The following KLK6 variants were observed in gnomAD, a reference collection of about 807,000 sequenced individuals.
The protein encoded by KLK6 is kallikrein related peptidase 6.
In KLK6, 16 loss-of-function variants were observed where a neutral mutation model predicts 21.7. That is an observed-to-expected ratio of 0.74 (90% CI 0.50 to 1.12). The LOEUF is 1.12. KLK6 is among the 50% of genes most tolerant of loss of function. The probability of loss-of-function intolerance (pLI) is 0.00; values close to 1 mark genes in which losing one functional copy is unlikely to be tolerated. For missense variants in KLK6, 276 were observed against 304.6 expected, an observed-to-expected ratio of 0.91 and a Z score of 0.70; for synonymous variants, 116 against 120.1, an observed-to-expected ratio of 0.97 and a Z score of 0.22.
In KLK6 at chr19:50,968,119, G is replaced by A; in HGVS notation, c.-8-7C>T. The A allele has an allele frequency of 1.2e-6, 2 of 1,613,834 alleles. No homozygotes were observed. Among genetic ancestry groups the A allele is most frequent in the Non-Finnish European group, 1.7e-6 (2 of 1,179,798 alleles). ...AGCTTCTTCATGGCCGCTCCTGAGA[G>A]GGGAAGCCACATGGTCCATTAGTCA... On this transcript the variant is annotated splice_region_variant and splice_polypyrimidine_tract_variant and intron_variant, in intron 2 of 6. Transcript: ENST00000310157.
intron 4 of KLK6, among the ~76,000 whole-genome samples, chr19:50,966,880 G>C (rs928074953): frequency 6.6e-6 from 1 of 152,104 alleles, no homozygotes; most frequent in Non-Finnish European, 1.5e-5. Flanking sequence ...TGCCCATCAC[G>C]CCCTGCAGGT....
At chr19:50,960,230 G>C (rs2090820301) in intron 6 of KLK6, among the ~76,000 whole-genome samples, 1 of 151,660 alleles carries the variant, frequency 6.6e-6, no homozygotes, top group South Asian at 2.1e-4. Flanking sequence ...TCTGTCCAGG[G>C]ACACCTCTCC....
chr19:50,961,997 G>T, intron 5 of KLK6, 117 bp from the exon 6 acceptor site: 1 of 1,084,712 alleles, frequency 9.2e-7, no homozygotes, highest in Non-Finnish European at 1.3e-6. Flanking sequence ...TTTTCTATTG[G>T]CACCCCTCTT....
At position 50,959,117 on chromosome 19, in the gene KLK6, C is replaced by T. The variant is rs372125040; in HGVS notation, c.*47G>A. ...GGTCTAGGTGAGAGACGTTCTGGAACCAGCCAGTGGGGTGGTAGGTCGGGA... is the reference window on the plus strand; with the variant it reads ...GGTCTAGGTGAGAGACGTTCTGGAATCAGCCAGTGGGGTGGTAGGTCGGGA... On this transcript the variant is annotated 3_prime_UTR_variant, in exon 7 of 7. Coordinates refer to ENST00000310157, the MANE Select transcript of KLK6 (RefSeq NM_002774.4). 336 of 1,610,818 alleles carry T rather than the reference C, an allele frequency of 2.1e-4. No homozygotes were observed. The highest frequency in any genetic ancestry group is 2.7e-4 in the Non-Finnish European group (321 of 1,177,746).
chr19:50,959,721 A>AGAGGAGGAGGAAGAG (rs1367398170), intron 6 of KLK6, among the ~76,000 whole-genome samples: 8 of 412 alleles, frequency 0.019, 1 homozygote, highest in Non-Finnish European at 0.026. Flanking sequence ...GAGAGGAGGA[A>AGAGGAGGAGGAAGAG]GAGGAGGAGG....
In KLK6 at chr19:50,965,347, C is replaced by T. The variant is rs144482338; in HGVS notation, c.198-1798G>A. 3.3e-5 allele frequency among the ~76,000 whole-genome samples: 5 copies of T among 151,366 alleles called. 1 individual carries two copies. Among genetic ancestry groups the T allele is most frequent in the East Asian group, 3.9e-4 (2 of 5,106 alleles). On this transcript the variant is annotated intron_variant, in intron 4 of 6. Transcript: ENST00000310157. ...TGGTTCAGGCTGGAGTGCAGTGGCG[C>T]GATCTCGGCTCACTGCAACCTCCGC...
At chr19:50,961,946 C>T in intron 5 of KLK6, 66 bp from the exon 6 acceptor site, 1 of 1,553,170 alleles carries the variant, frequency 6.4e-7, no homozygotes, top group Non-Finnish European at 8.7e-7. Flanking sequence ...CCCCAGTCAC[C>T]CCCCAACCCC....
At chr19:50,965,244 A>G (rs1043491990) in intron 4 of KLK6, among the ~76,000 whole-genome samples, 2 of 150,772 alleles carry the variant, frequency 1.3e-5, no homozygotes, top group African/African-American at 4.9e-5. Flanking sequence ...CTGGGATTAC[A>G]GGCATGAGCC....
rs745632507 is a variant in KLK6 at position 50,959,331 on chromosome 19, G to A, written c.583-15C>T. ...CCAGAATCACCCTGCAGGAAAGAGG[G>A]AGAAAGTCAGATACAGATAGAAACC... On this transcript the variant is annotated splice_polypyrimidine_tract_variant and intron_variant, in intron 6 of 6. Transcript: ENST00000310157. 4.3e-6 allele frequency: 7 copies of A among 1,612,098 alleles called. No homozygotes were observed. The African/African-American group carries it at 8.0e-5, about 19-fold the overall frequency.
Position 50,961,818 on chromosome 19 carries a change from G to A in KLK6, c.508C>T (p.His170Tyr), listed in dbSNP as rs1040509198. 6.2e-6 allele frequency: 10 copies of A among 1,613,930 alleles called. No individual in the cohort carries two copies. The Middle Eastern group carries it at 4.9e-4, about 80-fold the overall frequency. The change falls in exon 6 of 7, where the codon CAT (histidine) becomes TAT (tyrosine). Residue 170 changes from histidine (H) to tyrosine (Y), a missense_variant. By Grantham distance (83) the His-to-Tyr change is moderately conservative. Coordinates refer to ENST00000310157, the MANE Select transcript of KLK6 (RefSeq NM_002774.4). Reference protein sequence around the residue: ...IHLVSREECEHAYPGQITQNM... With the variant: ...IHLVSREECEYAYPGQITQNM... ...TGGGTGATCTGGCCAGGGTAGGCAT[G>A]CTCACACTCCTCACGGGACACCAGG...
At position 50,958,947 on chromosome 19, in the gene KLK6, C is replaced by G; in HGVS notation, c.*217G>C. Reference sequence around the variant, plus strand: ...TATTCTCTTAGTGGTGGGGGTAAGACCGAGGACCCAAGTCCTCACTCATCA... The same window carrying G: ...TATTCTCTTAGTGGTGGGGGTAAGAGCGAGGACCCAAGTCCTCACTCATCA... On this transcript the variant is annotated 3_prime_UTR_variant, in exon 7 of 7. Coordinates refer to ENST00000310157, the MANE Select transcript of KLK6 (RefSeq NM_002774.4). 1 of 588,974 alleles carries G rather than the reference C, an allele frequency of 1.7e-6. No homozygotes were observed. Among genetic ancestry groups the G allele is most frequent in the East Asian group, 2.9e-5 (1 of 35,084 alleles). The allele number at this position is 588,974 out of a possible 1,614,324, so 36.5% of individuals were successfully genotyped here.
chr19:50,966,538 T>G (rs143800770), intron 4 of KLK6, among the ~76,000 whole-genome samples: 2 of 152,204 alleles, frequency 1.3e-5, no homozygotes, highest in South Asian at 2.1e-4. Flanking sequence ...TGGTGGCTCA[T>G]GCCTGTAATC....
At position 50,958,887 on chromosome 19, in the gene KLK6, T is replaced by G. The variant is rs969831182; in HGVS notation, c.*277A>C. 2 of 417,812 alleles carry G rather than the reference T, an allele frequency of 4.8e-6. No homozygotes were observed. The highest frequency in any genetic ancestry group is 8.7e-6 in the Non-Finnish European group (2 of 230,252). The allele number at this position is 417,812 out of a possible 1,614,324, so 25.9% of individuals were successfully genotyped here. Reference sequence around the variant, plus strand: ...GGAAGAAATCAAACGTGTGGAAGGGTTGGGGAGAGGAGATGCCTAGAAGGG... The same window carrying G: ...GGAAGAAATCAAACGTGTGGAAGGGGTGGGGAGAGGAGATGCCTAGAAGGG... On this transcript the variant is annotated 3_prime_UTR_variant, in exon 7 of 7. Transcript: ENST00000310157.
chr19:50,965,379 C>T (rs938915892), intron 4 of KLK6, among the ~76,000 whole-genome samples: 1 of 151,918 alleles, frequency 6.6e-6, no homozygotes, highest in Non-Finnish European at 1.5e-5. Flanking sequence ...CCGCCTCCCA[C>T]GTTCAAGCAA....
At position 50,959,262 on chromosome 19, in the gene KLK6, A is replaced by C; in HGVS notation, c.637T>G (p.Trp213Gly). 11 of 1,613,996 alleles carry C rather than the reference A, an allele frequency of 6.8e-6. No individual in the cohort carries two copies. Among genetic ancestry groups the C allele is most frequent in the East Asian group, 2.2e-5 (1 of 44,848 alleles). The stretch of plus-strand genomic sequence containing the variant: ...TTTGATCCACAGGGGATGTTACCCC[A>C]TGACACAAGGCCTCGGAGGTGGTCT... The part of the protein sequence containing the change: ...CGDHLRGLVS[W>G]GNIPCGSKEK... Residue 213 changes from tryptophan to glycine, a missense_variant, in exon 7 of 7, where the codon TGG becomes GGG. Trp to Gly is a radical substitution (Grantham distance 184). Transcript: ENST00000310157.
chr19:50,960,773 GT>G (rs200426895), intron 6 of KLK6, among the ~76,000 whole-genome samples: 2 of 149,922 alleles, frequency 1.3e-5, no homozygotes, highest in South Asian at 2.1e-4. Context: ...TTGTTTTTTG[GT>G]TTTTTTTTGA....
intron 6 of KLK6, 47 bp from the exon 7 acceptor site, chr19:50,959,363 CTGTGTGTGTGTGTGTGTGTGTGTGTGTG>C: frequency 3.6e-6 from 3 of 840,156 alleles, no homozygotes; most frequent in East Asian, 2.7e-5. Flanking sequence ...AACCCAGAGA[CTGTGTGTGTGTGTGTGTGTGTGTGTGTG>C]TGTGTGTGTG....
rs1392711631 is a variant in KLK6 at position 50,959,200 on chromosome 19, G to A, written c.699C>T (p.Tyr233=). 1 of 1,614,128 alleles carries A rather than the reference G, an allele frequency of 6.2e-7. No homozygotes were observed. Among genetic ancestry groups the A allele is most frequent in the South Asian group, 1.1e-5 (1 of 91,082 alleles). The change falls in exon 7 of 7, where the codon TAC becomes TAT. Residue 233 remains tyrosine (Y), a synonymous_variant. Transcript: ENST00000310157. The stretch of plus-strand genomic sequence containing the variant: ...GAATGGTTTTTTGGATCCAGTTCGT[G>A]TATCTGCAGACGTTGGTGTAGACTC... ...KPGVYTNVCR[Y]TNWIQKTIQA...
intron 6 of KLK6, 127 bp downstream of exon 6, chr19:50,961,617 A>T: frequency 8.8e-7 from 1 of 1,137,898 alleles, no homozygotes; most frequent in Non-Finnish European, 1.2e-6. Context: ...GTTCTCCCTC[A>T]GCCTGTCTCT....
Sources: gnomAD v4.1 joint callset for allele counts (sites outside exome capture counted in the v4.1 genomes callset) on GRCh38, gnomAD v4.1.1 for gene constraint, MANE v1.5 for transcripts, NCBI Gene and HGNC (gene_info 2026-07-23, HGNC 2026-07-21) for gene names.